The following NUP93 variants were observed in gnomAD, a reference collection of about 807,000 sequenced individuals.
NUP93 encodes nucleoporin 93.
A neutral mutation model predicts 107.8 loss-of-function variants in NUP93; 55 were observed. That is an observed-to-expected ratio of 0.51 (90% CI 0.41 to 0.64). NUP93 has a LOEUF of 0.64. NUP93 is among the 30% of genes least tolerant of loss of function. The pLI is 0.00. For synonymous variants in NUP93, 390 were observed against 397.5 expected, an observed-to-expected ratio of 0.98 and a Z score of 0.22; for missense variants, 937 against 1,044.7, an observed-to-expected ratio of 0.90 and a Z score of 1.42.
chr16:56,775,127 C>G (rs1253021457), intron 3 of NUP93, among the ~76,000 whole-genome samples: 2 of 152,094 alleles, frequency 1.3e-5, no homozygotes, highest in East Asian at 3.9e-4. Flanking sequence ...TCTCAAACTT[C>G]TGAGCTCAAG....
At chr16:56,817,806 A>G (rs1302075327) in intron 5 of NUP93, among the ~76,000 whole-genome samples, 2 of 152,200 alleles carry the variant, frequency 1.3e-5, no homozygotes, top group African/African-American at 2.4e-5. Flanking sequence ...TACAGTATCC[A>G]GTATAGTAAT....
chr16:56,735,575 T>C (rs2144429796), intron 1 of NUP93, among the ~76,000 whole-genome samples: 1 of 152,318 alleles, frequency 6.6e-6, no homozygotes, highest in Non-Finnish European at 1.5e-5. Flanking sequence ...TCGGGCGCAG[T>C]GGCCCTCGCC....
At chr16:56,816,087 T>C (rs573755037) in intron 5 of NUP93, among the ~76,000 whole-genome samples, 76 of 152,356 alleles carry the variant, frequency 5.0e-4, no homozygotes, top group African/African-American at 1.8e-3. Flanking sequence ...ACAGCTCCAC[T>C]GCTTCCTACT....
intron 7 of NUP93, among the ~76,000 whole-genome samples, chr16:56,822,670 C>T (rs1372030669): frequency 1.3e-5 from 2 of 150,440 alleles, no homozygotes; most frequent in African/African-American, 4.9e-5. Context: ...AAGCGATTCT[C>T]CTACCTCGGC....
In NUP93 at chr16:56,741,761, T is replaced by TAA. The variant is rs1342734250; in HGVS notation, c.-14-6472_-14-6471dup. The TAA allele has an allele frequency of 3.3e-5, 5 of 152,362 alleles. 1 individual carries two copies. The East Asian group carries it at 9.6e-4, about 29-fold the overall frequency. 9.4% of individuals were successfully genotyped at this position (152,362 alleles called of 1,614,324 possible). ...ACAACATCAAAAAAAATAGCAGTGC[T>TAA]AACAACTGTCTTTTTTAGGTTGCAT... On this transcript the variant is annotated intron_variant, in intron 1 of 21. Transcript: ENST00000308159.
intron 2 of NUP93, among the ~76,000 whole-genome samples, chr16:56,752,637 G>A (rs1448649692): frequency 3.3e-5 from 5 of 152,022 alleles, no homozygotes; most frequent in East Asian, 1.9e-4. Flanking sequence ...ATTTTTTGCC[G>A]AAAGTGACAA....
Position 56,806,554 on chromosome 16 carries a change from G to A in NUP93, c.489+922G>A, listed in dbSNP as rs562729967. Among the ~76,000 whole-genome samples, 4 of 152,256 alleles carry A rather than the reference G, an allele frequency of 2.6e-5. No individual in the cohort carries two copies. In the South Asian group the frequency reaches 6.2e-4, roughly 24 times the overall value. On this transcript the variant is annotated intron_variant, in intron 5 of 21. Coordinates refer to ENST00000308159, the MANE Select transcript of NUP93 (RefSeq NM_014669.5). Reference sequence around the variant, plus strand: ...GGCTGCACTCATTTCAAGGCTAGACGCAAGGAGCATCTACTCACAAGGTCA... The same window carrying A: ...GGCTGCACTCATTTCAAGGCTAGACACAAGGAGCATCTACTCACAAGGTCA...
intron 3 of NUP93, 27 bp downstream of exon 3, chr16:56,758,682 C>G (rs1464774351): frequency 6.6e-7 from 1 of 1,526,564 alleles, no homozygotes; most frequent in South Asian, 1.1e-5. Context: ...GCAGGTGGAA[C>G]CCAGAGCATA....
chr16:56,836,798 T>G, intron 17 of NUP93, 81 bp downstream of exon 17: 1 of 860,400 alleles, frequency 1.2e-6, no homozygotes, highest in Non-Finnish European at 1.9e-6. Flanking sequence ...ACTTGGACAG[T>G]GTCATTGTTG....
chr16:56,830,835 T>C (rs1359579374), intron 10 of NUP93, 150 bp downstream of exon 10: 2 of 653,418 alleles, frequency 3.1e-6, no homozygotes, highest in Non-Finnish European at 2.4e-6. Flanking sequence ...AGAACTCTCT[T>C]GGGAATAAGG....
chr16:56,825,923 T>A (rs1230176520), intron 8 of NUP93, among the ~76,000 whole-genome samples: 1 of 152,220 alleles, frequency 6.6e-6, no homozygotes, highest in Non-Finnish European at 1.5e-5. Context: ...AGTATGCATA[T>A]AATAGTTCAA....
intron 3 of NUP93, among the ~76,000 whole-genome samples, chr16:56,784,097 A>G (rs1450341528): frequency 6.6e-6 from 1 of 152,182 alleles, no homozygotes; most frequent in Non-Finnish European, 1.5e-5. Flanking sequence ...TTAATTATTC[A>G]TCAGTAATTT....
At chr16:56,759,045 T>A (rs75758336) in intron 3 of NUP93, among the ~76,000 whole-genome samples, 1,879 of 152,344 alleles carry the variant, frequency 0.012, 62 homozygotes, top group Admixed American at 0.074. Flanking sequence ...TTGCTTGTAT[T>A]GGTTGGCAAA....
intron 5 of NUP93, among the ~76,000 whole-genome samples, chr16:56,806,295 C>A (rs977894038): frequency 4.0e-5 from 6 of 151,888 alleles, no homozygotes; most frequent in African/African-American, 1.5e-4. Flanking sequence ...ATCCAGTTAA[C>A]CCTACCTTAA....
At chr16:56,774,694 C>G (rs1352355627) in intron 3 of NUP93, among the ~76,000 whole-genome samples, 1 of 152,114 alleles carries the variant, frequency 6.6e-6, no homozygotes, top group Non-Finnish European at 1.5e-5. Context: ...ATGCAGTGCT[C>G]TTACTTTATG....
chr16:56,842,802 C>T (rs1381607246), intron 21 of NUP93: 2 of 332,016 alleles, frequency 6.0e-6, no homozygotes, highest in Non-Finnish European at 5.9e-6. Context: ...ATCCCCCAAC[C>T]TCGGCCTCCC....
At chr16:56,765,779 A>T (rs1197656787) in intron 3 of NUP93, among the ~76,000 whole-genome samples, 2 of 152,218 alleles carry the variant, frequency 1.3e-5, no homozygotes, top group Non-Finnish European at 2.9e-5. Flanking sequence ...TACAAAAAAA[A>T]ATATAATGTC....
chr16:56,796,010 C>T (rs765161427), intron 3 of NUP93, among the ~76,000 whole-genome samples: 2 of 152,186 alleles, frequency 1.3e-5, no homozygotes, highest in Non-Finnish European at 2.9e-5. Context: ...CATCCCAGTG[C>T]ACTGCCCAGG....
At position 56,834,418 on chromosome 16, in the gene NUP93, T is replaced by C; in HGVS notation, c.1713T>C (p.Ser571=). ...QGENMFLRCV[S]ELVIESREFD... is the part of the protein sequence containing the mutation. ...AAAACATGTTTCTGCGCTGTGTGAG[T>C]GAGCTTGTGATTGAAAGCCGAGAGG... Residue 571 remains serine (S), a synonymous_variant, in exon 15 of 22, where the codon AGT becomes AGC. Coordinates refer to ENST00000308159, the MANE Select transcript of NUP93 (RefSeq NM_014669.5). 6.2e-7 allele frequency: 1 copy of C among 1,614,154 alleles called. No individual in the cohort carries two copies. The highest frequency in any genetic ancestry group is 1.1e-5 in the South Asian group (1 of 91,076).
Sources: allele counts gnomAD v4.1 joint callset (sites outside exome capture counted in the v4.1 genomes callset), GRCh38; gene constraint gnomAD v4.1.1; transcripts MANE v1.5; gene names NCBI Gene and HGNC (gene_info 2026-07-23, HGNC 2026-07-21).